The following NDUFA12 variants were observed in gnomAD, a reference collection of about 807,000 sequenced individuals.
NDUFA12 encodes the protein NADH dehydrogenase [ubiquinone] 1 alpha subcomplex subunit 12.
Under a neutral mutation model 20.3 loss-of-function variants are expected in NDUFA12, and 17 were observed. That is an observed-to-expected ratio of 0.84 (90% CI 0.57 to 1.26). NDUFA12 has a LOEUF of 1.26. Among genes scored for constraint, NDUFA12 ranks in the 50% most tolerant of loss-of-function variants. NDUFA12 has a pLI of 0.00. For missense variants in NDUFA12, 191 were observed against 183.7 expected, an observed-to-expected ratio of 1.04 and a Z score of -0.23; for synonymous variants, 72 against 63.6, an observed-to-expected ratio of 1.13 and a Z score of -0.63.
intron 3 of NDUFA12, among the ~76,000 whole-genome samples, chr12:94,982,344 G>T (rs1219759355): frequency 6.6e-6 from 1 of 150,858 alleles, no homozygotes; most frequent in Non-Finnish European, 1.5e-5. Context: ...TGTGATCTCG[G>T]CTCACTGCAA....
chr12:94,977,308 T>A (rs930934150), intron 3 of NDUFA12, among the ~76,000 whole-genome samples: 1 of 152,028 alleles, frequency 6.6e-6, no homozygotes, highest in Admixed American at 6.6e-5. Context: ...ACCTTCTCTC[T>A]CAAAAACAAA....
At chr12:94,996,902 A>G (rs1874852172) in intron 2 of NDUFA12, 1 of 344,698 alleles carries the variant, frequency 2.9e-6, no homozygotes, top group South Asian at 2.4e-5. Flanking sequence ...AAGAATAATT[A>G]CCCCAGGTTC....
At chr12:94,988,484 T>C (rs1173767086) in intron 3 of NDUFA12, among the ~76,000 whole-genome samples, 1 of 152,204 alleles carries the variant, frequency 6.6e-6, no homozygotes. Context: ...TACCTTCCAG[T>C]GACTTCCAAA....
At chr12:94,982,015 C>T (rs1447062853) in intron 3 of NDUFA12, among the ~76,000 whole-genome samples, 1 of 152,180 alleles carries the variant, frequency 6.6e-6, no homozygotes, top group Non-Finnish European at 1.5e-5. Flanking sequence ...TTAAATGAAA[C>T]AGAGAAGCTG....
chr12:95,002,366 CAGG>C (rs1461175906), intron 2 of NDUFA12, among the ~76,000 whole-genome samples: 1 of 128,526 alleles, frequency 7.8e-6, no homozygotes, highest in Non-Finnish European at 1.5e-5. Flanking sequence ...CGCTGGAACC[CAGG>C]AGGTGGAGGT....
At chr12:94,981,973 AT>A (rs1565814354) in intron 3 of NDUFA12, among the ~76,000 whole-genome samples, 1 of 152,170 alleles carries the variant, frequency 6.6e-6, no homozygotes, top group Non-Finnish European at 1.5e-5. Context: ...TTTCCACAAG[AT>A]TTCTAATGTT....
At chr12:94,985,697 T>C (rs997825081) in intron 3 of NDUFA12, among the ~76,000 whole-genome samples, 2 of 145,758 alleles carry the variant, frequency 1.4e-5, no homozygotes, top group Non-Finnish European at 3.0e-5. Flanking sequence ...GACATACAAA[T>C]GGTCAACAGC....
rs1212736018 is a variant in NDUFA12 at position 94,984,739 on chromosome 12, C to CCAT, written c.257+9430_257+9431insATG. 1.6e-4 allele frequency among the ~76,000 whole-genome samples: 19 copies of CCAT among 117,478 alleles called. 1 individual carries two copies. The highest frequency in any genetic ancestry group is 2.2e-4 in the African/African-American group (7 of 31,958). 77.1% of individuals were successfully genotyped at this position (117,478 alleles called of 152,430 possible). On this transcript the variant is annotated intron_variant, in intron 3 of 3. Coordinates refer to ENST00000327772, the MANE Select transcript of NDUFA12 (RefSeq NM_018838.5). ...CAAAAAAAAAAAACAACAAAAAACC[C>CCAT]ATATATATATAATATATATATATGG... is the stretch of plus-strand genomic sequence containing the variant.
At chr12:94,990,087 T>C (rs1428308227) in intron 3 of NDUFA12, among the ~76,000 whole-genome samples, 2 of 152,034 alleles carry the variant, frequency 1.3e-5, no homozygotes, top group Non-Finnish European at 2.9e-5. Context: ...TTGGAGAAGG[T>C]TGATGGTTCT....
intron 2 of NDUFA12, among the ~76,000 whole-genome samples, chr12:94,998,046 C>A (rs919525824): frequency 6.6e-6 from 1 of 152,114 alleles, no homozygotes; most frequent in Admixed American, 6.6e-5. Flanking sequence ...AACTACAAAC[C>A]AATATCCCTG....
chr12:94,983,135 T>C (rs1309241104), intron 3 of NDUFA12, among the ~76,000 whole-genome samples: 1 of 152,100 alleles, frequency 6.6e-6, no homozygotes, highest in African/African-American at 2.4e-5. Flanking sequence ...CCTCTAGTAG[T>C]TCAGGCCAAA....
intron 3 of NDUFA12, among the ~76,000 whole-genome samples, chr12:94,984,162 T>C (rs10859814): frequency 0.41 from 61,706 of 151,706 alleles, 13,163 homozygotes; most frequent in East Asian, 0.58. Context: ...AAAACTGGAG[T>C]GTAAACTGTA....
Position 94,992,889 on chromosome 12 carries a change from CA to C in NDUFA12, c.257+1280del, listed in dbSNP as rs374667848. Among the ~76,000 whole-genome samples, 487 of 150,152 alleles carry C rather than the reference CA, an allele frequency of 3.2e-3. 1 individual carries two copies. Among genetic ancestry groups the C allele is most frequent in the African/African-American group, 0.011 (463 of 40,992 alleles). On this transcript the variant is annotated intron_variant, in intron 3 of 3. Transcript: ENST00000327772. ...TTTTATCTTGTCTGAACTCCTGACCCAAAAAAAAACTATGGAGAGAGAAACA... is the reference window on the plus strand; with the variant it reads ...TTTTATCTTGTCTGAACTCCTGACCCAAAAAAAACTATGGAGAGAGAAACA...
intron 3 of NDUFA12, among the ~76,000 whole-genome samples, chr12:94,978,144 G>C (rs894750662): frequency 1.3e-5 from 2 of 152,148 alleles, no homozygotes; most frequent in Non-Finnish European, 2.9e-5. Flanking sequence ...AAGGAGTTGG[G>C]GTTTTTACTC....
At chr12:94,992,148 T>C (rs559775466) in intron 3 of NDUFA12, among the ~76,000 whole-genome samples, 18 of 152,364 alleles carry the variant, frequency 1.2e-4, no homozygotes, top group African/African-American at 3.8e-4. Context: ...CAGAGTTTAA[T>C]TGTATATCAA....
At chr12:94,985,499 C>T (rs991498817) in intron 3 of NDUFA12, among the ~76,000 whole-genome samples, 4 of 151,154 alleles carry the variant, frequency 2.6e-5, no homozygotes, top group South Asian at 4.2e-4. Context: ...TGGTGGTCAG[C>T]GCCTGTAGTC....
intron 2 of NDUFA12, among the ~76,000 whole-genome samples, chr12:95,001,945 C>T (rs1223157498): frequency 6.6e-6 from 1 of 151,802 alleles, no homozygotes; most frequent in Non-Finnish European, 1.5e-5. Flanking sequence ...CCTCGTGATC[C>T]GCCCGCCTCC....
chr12:94,981,610 T>C (rs935504962), intron 3 of NDUFA12, among the ~76,000 whole-genome samples: 3 of 152,114 alleles, frequency 2.0e-5, no homozygotes, highest in Non-Finnish European at 4.4e-5. Context: ...AAAAAGACAC[T>C]AAATTAGAAC....
intron 3 of NDUFA12, among the ~76,000 whole-genome samples, chr12:94,992,714 C>T (rs368815978): frequency 6.6e-6 from 1 of 152,320 alleles, no homozygotes; most frequent in Non-Finnish European, 1.5e-5. Flanking sequence ...TTCCAACCCA[C>T]AGGCCCAACT....
Sources: allele counts gnomAD v4.1 joint callset (sites outside exome capture counted in the v4.1 genomes callset), GRCh38; gene constraint gnomAD v4.1.1; transcripts MANE v1.5; gene names NCBI Gene and HGNC (gene_info 2026-07-23, HGNC 2026-07-21).